PTPN3: variants seen among roughly 807,000 people sequenced by gnomAD.
The protein encoded by PTPN3 is tyrosine-protein phosphatase non-receptor type 3.
Under a neutral mutation model 132.7 loss-of-function variants are expected in PTPN3, and 96 were observed. The observed-to-expected ratio is 0.72, with a 90% CI of 0.61 to 0.86. The LOEUF is 0.86. Among genes scored for constraint, PTPN3 ranks in the 40% least tolerant of loss-of-function variants. The pLI, the probability that PTPN3 is intolerant of heterozygous loss-of-function variation, is 0.00. For synonymous variants in PTPN3, 398 were observed against 429.0 expected (o/e 0.93, Z 0.89); for missense variants, 1,125 against 1,159.6 (o/e 0.97, Z 0.43).
upstream of PTPN3, among the ~76,000 whole-genome samples, chr9:109,500,500 C>T (rs1847849641): frequency 6.6e-6 from 1 of 151,752 alleles, no homozygotes; most frequent in South Asian, 2.1e-4. Context: ...TGGAAACAAA[C>T]TAAGTACTCA....
At chr9:109,532,246 T>G in the PTPN3 span, among the ~76,000 whole-genome samples, 1 of 152,184 alleles carries the variant, frequency 6.6e-6, no homozygotes, top group African/African-American at 2.4e-5. Flanking sequence ...AAGATGGAGA[T>G]ATTTTGAATC....
intron 5 of PTPN3, chr9:109,450,424 C>T: frequency 1.0e-6 from 1 of 984,298 alleles, no homozygotes; most frequent in Middle Eastern, 5.2e-4. Context: ...TGAACCCGGG[C>T]TTTCATTGAC....
chr9:109,445,214 C>G (rs371777883), intron 7 of PTPN3, 26 bp downstream of exon 7: 5 of 1,604,746 alleles, frequency 3.1e-6, no homozygotes, highest in South Asian at 1.1e-5. Flanking sequence ...CCTGTCCATC[C>G]GTGAAATGCT....
the PTPN3 span, among the ~76,000 whole-genome samples, chr9:109,521,980 C>CTTAGA: frequency 2.8e-5 from 4 of 142,814 alleles, no homozygotes; most frequent in Non-Finnish European, 6.4e-5. Flanking sequence ...GAGAGGAAAC[C>CTTAGA]GAGGCTTAGA....
the PTPN3 span, among the ~76,000 whole-genome samples, chr9:109,505,351 C>T: frequency 6.6e-6 from 1 of 152,252 alleles, no homozygotes; most frequent in African/African-American, 2.4e-5. Flanking sequence ...TGGTTCACTG[C>T]AGCTTCCACT....
At chr9:109,413,891 T>C (rs1842272915) in intron 14 of PTPN3, among the ~76,000 whole-genome samples, 1 of 151,852 alleles carries the variant, frequency 6.6e-6, no homozygotes, top group African/African-American at 2.4e-5. Flanking sequence ...CGCACGAAGC[T>C]CTCCCTAAAC....
At chr9:109,445,206 T>C (rs191715767) in intron 7 of PTPN3, 34 bp downstream of exon 7, 2 of 1,597,080 alleles carry the variant, frequency 1.3e-6, no homozygotes, top group African/African-American at 2.7e-5. Flanking sequence ...CAGAACAACC[T>C]GTCCATCCGT....
the PTPN3 span, chr9:109,533,688 C>G: frequency 6.7e-7 from 1 of 1,486,550 alleles, no homozygotes; most frequent in East Asian, 2.3e-5. Context: ...ATCACTTCTC[C>G]CTGCACAGGA....
the PTPN3 span, among the ~76,000 whole-genome samples, chr9:109,537,398 C>T: frequency 5.3e-5 from 8 of 152,290 alleles, no homozygotes; most frequent in Middle Eastern, 6.8e-3. Context: ...CCTAGCTGAA[C>T]GGATTCCTGC....
intron 19 of PTPN3, among the ~76,000 whole-genome samples, chr9:109,396,527 G>C (rs1288213751): frequency 6.6e-6 from 1 of 152,138 alleles, no homozygotes; most frequent in East Asian, 1.9e-4. Flanking sequence ...CTGAGAGGCA[G>C]GGTCACAGGG....
intron 19 of PTPN3, among the ~76,000 whole-genome samples, chr9:109,399,725 G>A (rs1167411708): frequency 4.0e-5 from 6 of 151,894 alleles, no homozygotes. Flanking sequence ...GGGAATTAAG[G>A]CTACCCCAGG....
At chr9:109,386,509 G>T (rs1173503309) in intron 22 of PTPN3, among the ~76,000 whole-genome samples, 1 of 152,176 alleles carries the variant, frequency 6.6e-6, no homozygotes, top group African/African-American at 2.4e-5. Context: ...AAAAGAAAGA[G>T]GGAAGTCAGA....
chr9:109,448,901 G>GAAAA, intron 5 of PTPN3, 46 bp from the exon 6 acceptor site: 3 of 1,012,450 alleles, frequency 3.0e-6, no homozygotes, highest in Admixed American at 5.3e-5. Context: ...ACTGAAATAA[G>GAAAA]CAAAAAAAAA....
intron 10 of PTPN3, 72 bp from the exon 11 acceptor site, chr9:109,428,756 T>C: frequency 6.5e-7 from 1 of 1,541,730 alleles, no homozygotes; most frequent in South Asian, 1.2e-5. Flanking sequence ...TGCCTCTCAA[T>C]GCATGTCCTT....
At chr9:109,490,602 G>T (rs922076207) in intron 1 of PTPN3, among the ~76,000 whole-genome samples, 1 of 152,040 alleles carries the variant, frequency 6.6e-6, no homozygotes, top group Admixed American at 6.6e-5. Context: ...AGCCGGGCGT[G>T]GTGGCACATG....
intron 1 of PTPN3, among the ~76,000 whole-genome samples, chr9:109,485,218 A>G (rs1432984537): frequency 6.6e-6 from 1 of 151,464 alleles, no homozygotes. Flanking sequence ...AAAAAAAAAT[A>G]AAAAGTCGGC....
At chr9:109,403,907 T>C (rs1841346953) in intron 19 of PTPN3, among the ~76,000 whole-genome samples, 1 of 152,186 alleles carries the variant, frequency 6.6e-6, no homozygotes, top group African/African-American at 2.4e-5. Context: ...GTTTGGTTTC[T>C]TACTTGTGTT....
intron 4 of PTPN3, among the ~76,000 whole-genome samples, chr9:109,456,773 G>A (rs1845587456): frequency 2.6e-5 from 4 of 152,162 alleles, no homozygotes; most frequent in Admixed American, 2.0e-4. Context: ...CTTATGGTTC[G>A]GTTTTCCGTG....
chr9:109,483,682 G>T (rs150403933), intron 1 of PTPN3, among the ~76,000 whole-genome samples: 1 of 152,032 alleles, frequency 6.6e-6, no homozygotes, highest in Non-Finnish European at 1.5e-5. Flanking sequence ...AGCTCTCACC[G>T]GGCTCTTACG....
Sources: gnomAD v4.1 joint callset for allele counts (sites outside exome capture counted in the v4.1 genomes callset) on GRCh38, gnomAD v4.1.1 for gene constraint, MANE v1.5 for transcripts, NCBI Gene and HGNC (gene_info 2026-07-23, HGNC 2026-07-21) for gene names.